The following AFAP1 variants were observed in gnomAD, a reference collection of about 807,000 sequenced individuals.
AFAP1 encodes the protein actin filament-associated protein 1.
A neutral mutation model predicts 93.9 loss-of-function variants in AFAP1; 75 were observed. The observed-to-expected ratio is 0.80, with a 90% CI of 0.66 to 0.97. AFAP1 has a LOEUF of 0.97. Ranked by LOEUF, AFAP1 falls within the 50% of genes least tolerant of loss-of-function variation. AFAP1 has a pLI of 0.00. For missense variants in AFAP1, 1,201 were observed against 1,050.8 expected, an observed-to-expected ratio of 1.14 and a Z score of -1.98; for synonymous variants, 517 against 430.7, an observed-to-expected ratio of 1.20 and a Z score of -2.48.
At chr4:7,812,930 C>T (rs1031430230) in intron 8 of AFAP1, among the ~76,000 whole-genome samples, 5 of 152,162 alleles carry the variant, frequency 3.3e-5, no homozygotes, top group African/African-American at 1.2e-4. Context: ...GCTGAGGAGC[C>T]TCACAGCCCC....
At chr4:7,908,068 C>G (rs111532574) in intron 1 of AFAP1, among the ~76,000 whole-genome samples, 4,946 of 152,146 alleles carry the variant, frequency 0.033, 115 homozygotes, top group Admixed American at 0.08. Flanking sequence ...AAAAATTAGC[C>G]GGGCGTGGTG....
At chr4:7,852,650 A>G (rs190567602) in intron 4 of AFAP1, among the ~76,000 whole-genome samples, 49 of 152,164 alleles carry the variant, frequency 3.2e-4, no homozygotes, top group Admixed American at 9.8e-4. Context: ...ACGACCAACC[A>G]AGGGGTTTGC....
intron 1 of AFAP1, among the ~76,000 whole-genome samples, chr4:7,929,379 C>T (rs928045436): frequency 1.3e-5 from 2 of 152,124 alleles, no homozygotes; most frequent in African/African-American, 4.8e-5. Flanking sequence ...GAGGTGACTG[C>T]TTTTCCTCTG....
intron 1 of AFAP1, among the ~76,000 whole-genome samples, chr4:7,933,040 A>AAGG (rs1553858303): frequency 1.3e-4 from 16 of 118,836 alleles, no homozygotes; most frequent in South Asian, 2.7e-4. Flanking sequence ...AAAAAAAAAA[A>AAGG]GGGGGGGGAT....
At chr4:7,788,413 G>A (rs1358848684) in intron 11 of AFAP1, among the ~76,000 whole-genome samples, 1 of 152,258 alleles carries the variant, frequency 6.6e-6, no homozygotes, top group Non-Finnish European at 1.5e-5. Flanking sequence ...CGCGGAAATG[G>A]CTCCTCACAG....
At chr4:7,821,330 AC>A (rs1224052306) in intron 6 of AFAP1, among the ~76,000 whole-genome samples, 1 of 152,196 alleles carries the variant, frequency 6.6e-6, no homozygotes, top group Non-Finnish European at 1.5e-5. Flanking sequence ...CATGGAAGCA[AC>A]ACCGTCATTA....
intron 1 of AFAP1, among the ~76,000 whole-genome samples, chr4:7,931,246 G>C (rs1721046061): frequency 6.6e-6 from 1 of 152,154 alleles, no homozygotes; most frequent in African/African-American, 2.4e-5. Context: ...GGGTAAGGTA[G>C]GGAATTGCTG....
chr4:7,830,034 C>G (rs973109993), intron 6 of AFAP1, among the ~76,000 whole-genome samples: 2 of 151,950 alleles, frequency 1.3e-5, no homozygotes, highest in African/African-American at 4.8e-5. Context: ...AATGTTATAG[C>G]CTGTAATAAA....
chr4:7,868,921 G>A (rs537457373), intron 2 of AFAP1, among the ~76,000 whole-genome samples: 1 of 115,702 alleles, frequency 8.6e-6, no homozygotes, highest in South Asian at 2.6e-4. Context: ...TAAAGTGAAA[G>A]AAAAGAAAAG....
At chr4:7,828,820 C>A (rs961345717) in intron 6 of AFAP1, among the ~76,000 whole-genome samples, 1 of 152,218 alleles carries the variant, frequency 6.6e-6, no homozygotes, top group Non-Finnish European at 1.5e-5. Flanking sequence ...GGGCTCAGGT[C>A]ATAGTCCCAG....
At position 7,820,644 on chromosome 4, in the gene AFAP1, C is replaced by T. The variant is rs138318878; in HGVS notation, c.727-1473G>A. Among the ~76,000 whole-genome samples, 991 of 152,118 alleles carry T rather than the reference C, an allele frequency of 6.5e-3. 8 individuals carry two copies. The highest frequency in any genetic ancestry group is 0.011 in the Non-Finnish European group (779 of 67,982). On this transcript the variant is annotated intron_variant, in intron 6 of 17. Transcript: ENST00000420658. Reference sequence around the variant, plus strand: ...GACAGCCGTGACTCCCTAAGGGAAGCGGAGAGACTAGGAGTGGGGGAGGAG... The same window carrying T: ...GACAGCCGTGACTCCCTAAGGGAAGTGGAGAGACTAGGAGTGGGGGAGGAG...
intron 1 of AFAP1, among the ~76,000 whole-genome samples, chr4:7,900,879 C>G (rs956180372): frequency 8.5e-5 from 13 of 152,156 alleles, no homozygotes; most frequent in African/African-American, 2.9e-4. Flanking sequence ...GGTCAAGAAA[C>G]TGCTAGGTTC....
chr4:7,790,203 T>C (rs546528450), intron 11 of AFAP1, among the ~76,000 whole-genome samples: 1 of 152,304 alleles, frequency 6.6e-6, no homozygotes, highest in South Asian at 2.1e-4. Flanking sequence ...CCTTGTCACA[T>C]CTCATCTCTC....
At chr4:7,789,619 T>A (rs888473647) in intron 11 of AFAP1, among the ~76,000 whole-genome samples, 1 of 145,480 alleles carries the variant, frequency 6.9e-6, no homozygotes, top group African/African-American at 2.7e-5. Flanking sequence ...CTCTTCATCC[T>A]CACCATCCCA....
At chr4:7,898,743 T>C (rs1269254466) in intron 1 of AFAP1, among the ~76,000 whole-genome samples, 1 of 150,720 alleles carries the variant, frequency 6.6e-6, no homozygotes, top group South Asian at 2.1e-4. Flanking sequence ...ACTAAGCACA[T>C]CTATTTTTTC....
chr4:7,816,966 G>A (rs1195980088), intron 7 of AFAP1, among the ~76,000 whole-genome samples: 1 of 152,184 alleles, frequency 6.6e-6, no homozygotes, highest in Non-Finnish European at 1.5e-5. Flanking sequence ...GCACCGCCCT[G>A]GCTCTCACAC....
At chr4:7,766,571 C>G (rs556116698) in intron 17 of AFAP1, among the ~76,000 whole-genome samples, 5 of 126,228 alleles carry the variant, frequency 4.0e-5, no homozygotes, top group African/African-American at 5.4e-5. Context: ...GGGAGGGAAA[C>G]AGAATCTCCA....
At chr4:7,874,106 C>G (rs1429586377) in intron 1 of AFAP1, among the ~76,000 whole-genome samples, 1 of 152,148 alleles carries the variant, frequency 6.6e-6, no homozygotes, top group Non-Finnish European at 1.5e-5. Flanking sequence ...AAGATCTGCA[C>G]AACTCAGTGA....
At position 7,890,897 on chromosome 4, in the gene AFAP1, T is replaced by C. The variant is rs963130277; in HGVS notation, c.-2-18817A>G. Among the ~76,000 whole-genome samples, 7 of 152,106 alleles carry C rather than the reference T, an allele frequency of 4.6e-5. No homozygotes were observed. The East Asian group carries it at 9.6e-4, about 21-fold the overall frequency. ...ATTTAAATGTACACGTACCATGAGA[T>C]CCAGTAATGCCACTCCTGGCTATTT... is the stretch of plus-strand genomic sequence containing the variant. On this transcript the variant is annotated intron_variant, in intron 1 of 17. Transcript: ENST00000420658.
Sources: gnomAD v4.1 joint callset for allele counts (sites outside exome capture counted in the v4.1 genomes callset) on GRCh38, gnomAD v4.1.1 for gene constraint, MANE v1.5 for transcripts, NCBI Gene and HGNC (gene_info 2026-07-23, HGNC 2026-07-21) for gene names.